NAALADL2: variants seen among roughly 807,000 people sequenced by gnomAD.
The protein encoded by NAALADL2 is inactive N-acetylated-alpha-linked acidic dipeptidase-like protein 2.
Under a neutral mutation model 87.2 loss-of-function variants are expected in NAALADL2, and 76 were observed. The observed-to-expected ratio is 0.87, with a 90% confidence interval of 0.72 to 1.05. The LOEUF is 1.05. Among genes scored for constraint, NAALADL2 ranks in the 50% least tolerant of loss-of-function variants. NAALADL2 has a pLI of 0.00. For synonymous variants in NAALADL2, 354 were observed against 331.0 expected (o/e 1.07, Z -0.75); for missense variants, 1,089 against 945.8 (o/e 1.15, Z -1.99).
At chr3:175,389,734 G>A (rs1190562149) in intron 5 of NAALADL2, among the ~76,000 whole-genome samples, 1 of 152,198 alleles carries the variant, frequency 6.6e-6, no homozygotes, top group African/African-American at 2.4e-5. Flanking sequence ...TGGAAAAGCA[G>A]AGGCTAGAAG....
At chr3:174,717,939 A>G (rs765328679) in intron 2 of NAALADL2, among the ~76,000 whole-genome samples, 5 of 152,110 alleles carry the variant, frequency 3.3e-5, no homozygotes, top group Non-Finnish European at 7.3e-5. Context: ...TAGCCTGACC[A>G]ACATGGTGAA....
At chr3:175,742,999 CT>C (rs113136524) in intron 12 of NAALADL2, among the ~76,000 whole-genome samples, 16,648 of 143,782 alleles carry the variant, frequency 0.12, 1,048 homozygotes, top group African/African-American at 0.19. Flanking sequence ...AATTCCAAAT[CT>C]TTTTTTTTTT....
rs368625385 is a variant in NAALADL2 at position 175,027,497 on chromosome 3, A to G, written c.44-69293A>G. Among the ~76,000 whole-genome samples the G allele has an allele frequency of 1.7e-3, 257 of 152,276 alleles. 1 individual carries two copies. The highest frequency in any genetic ancestry group is 6.0e-3 in the African/African-American group (250 of 41,580). ...TATGTAATACAATAAGTTCAATTAAAAAGACCTATGTGACCAGATTATTTA... is the reference window on the plus strand; with the variant it reads ...TATGTAATACAATAAGTTCAATTAAGAAGACCTATGTGACCAGATTATTTA... On this transcript the variant is annotated intron_variant, in intron 1 of 13. Transcript: ENST00000454872.
intron 6 of NAALADL2, among the ~76,000 whole-genome samples, chr3:175,453,340 A>G (rs1395395257): frequency 2.0e-5 from 3 of 152,102 alleles, no homozygotes; most frequent in African/African-American, 7.2e-5. Flanking sequence ...TTGTGTTTCT[A>G]TATTCTGCTA....
chr3:174,461,168 G>A (rs1716192928), intron 1 of NAALADL2, among the ~76,000 whole-genome samples: 1 of 152,024 alleles, frequency 6.6e-6, no homozygotes. Context: ...CTCATTCAGT[G>A]TACAGTTTAA....
At chr3:175,768,469 G>A (rs977053523) in intron 13 of NAALADL2, among the ~76,000 whole-genome samples, 2 of 152,196 alleles carry the variant, frequency 1.3e-5, no homozygotes, top group African/African-American at 4.8e-5. Context: ...AAAGTTACCA[G>A]AGATGGTAAA....
intron 1 of NAALADL2, among the ~76,000 whole-genome samples, chr3:174,524,863 A>C (rs1027708721): frequency 1.3e-5 from 2 of 152,128 alleles, no homozygotes; most frequent in African/African-American, 4.8e-5. Flanking sequence ...TAGAACTAAA[A>C]AGTTCCTATT....
chr3:175,387,075 T>G (rs1581684038), intron 5 of NAALADL2, among the ~76,000 whole-genome samples: 1 of 152,252 alleles, frequency 6.6e-6, no homozygotes, highest in Non-Finnish European at 1.5e-5. Context: ...GGAAAATTTT[T>G]TTTTACTACT....
Position 174,491,969 on chromosome 3 carries a change from T to C in NAALADL2, c.-184+50937T>C, listed in dbSNP as rs539410261. Among the ~76,000 whole-genome samples, 4 of 152,276 alleles carry C rather than the reference T, an allele frequency of 2.6e-5. No individual in the cohort carries two copies. The East Asian group carries it at 5.8e-4, about 22-fold the overall frequency. On this transcript the variant is annotated intron_variant, in intron 1 of 3. Transcript: ENST00000434257. ...AAAAATAGATACAGTGATGTGTGACTTTAAAATTGATTAGTTCAGGCCAGG... is the reference window on the plus strand; with the variant it reads ...AAAAATAGATACAGTGATGTGTGACCTTAAAATTGATTAGTTCAGGCCAGG...
At chr3:175,579,142 G>A (rs1283008092) in intron 10 of NAALADL2, among the ~76,000 whole-genome samples, 1 of 152,062 alleles carries the variant, frequency 6.6e-6, no homozygotes, top group Non-Finnish European at 1.5e-5. Context: ...TGGTTTTGAA[G>A]AAATCATCTA....
chr3:175,029,795 A>G (rs948534444), intron 1 of NAALADL2, among the ~76,000 whole-genome samples: 2 of 152,026 alleles, frequency 1.3e-5, no homozygotes, highest in Non-Finnish European at 2.9e-5. Context: ...CTCCAGGAAA[A>G]TGTATGTTTT....
chr3:175,139,480 G>A (rs865786142), intron 2 of NAALADL2, among the ~76,000 whole-genome samples: 67 of 152,140 alleles, frequency 4.4e-4, no homozygotes, highest in African/African-American at 1.6e-3. Context: ...AAGCCTGGTA[G>A]AGTTAATTTA....
At chr3:174,947,180 A>G (rs1739562179) in intron 1 of NAALADL2, among the ~76,000 whole-genome samples, 1 of 152,132 alleles carries the variant, frequency 6.6e-6, no homozygotes, top group Non-Finnish European at 1.5e-5. Context: ...TGATTTTTCT[A>G]TATTATAGTT....
intron 1 of NAALADL2, among the ~76,000 whole-genome samples, chr3:175,016,777 CTTTTT>C (rs889707240): frequency 3.3e-5 from 5 of 151,694 alleles, no homozygotes; most frequent in Non-Finnish European, 5.9e-5. Context: ...ATTTTCTTTT[CTTTTT>C]ATCTTTTATT....
chr3:174,778,799 G>C (rs1197533117), intron 3 of NAALADL2, among the ~76,000 whole-genome samples: 3 of 152,084 alleles, frequency 2.0e-5, no homozygotes, highest in African/African-American at 7.2e-5. Context: ...CCCTGCAAAG[G>C]ACATGAACTG....
chr3:174,692,776 T>C (rs140396590), intron 2 of NAALADL2, among the ~76,000 whole-genome samples: 14 of 152,152 alleles, frequency 9.2e-5, no homozygotes, highest in Non-Finnish European at 1.8e-4. Flanking sequence ...GTTGTTTATA[T>C]TTCATATGCT....
rs147378507 is a variant in NAALADL2, at chr3:174,619,442, C to T, written c.-115+68805C>T. On this transcript the variant is annotated intron_variant, in intron 2 of 3. Coordinates refer to the NAALADL2 transcript ENST00000434257. Reference sequence around the variant, plus strand: ...GCCAACAATCTCCCTAGAGTGTGTGCTTTAGTAATAAGCCCTGAAAATGGG... The same window carrying T: ...GCCAACAATCTCCCTAGAGTGTGTGTTTTAGTAATAAGCCCTGAAAATGGG... Among the ~76,000 whole-genome samples, 375 of 151,950 alleles carry T rather than the reference C, an allele frequency of 2.5e-3. 2 individuals carry two copies. The highest frequency in any genetic ancestry group is 8.6e-3 in the African/African-American group (358 of 41,504).
chr3:175,031,966 G>GT (rs1210134400), intron 1 of NAALADL2, among the ~76,000 whole-genome samples: 1 of 151,714 alleles, frequency 6.6e-6, no homozygotes, highest in Non-Finnish European at 1.5e-5. Flanking sequence ...GGGGTTATTT[G>GT]TTTTTTCTTA....
At chr3:174,921,766 T>C (rs9819911) in intron 1 of NAALADL2, among the ~76,000 whole-genome samples, 53,170 of 145,314 alleles carry the variant, frequency 0.37, 10,467 homozygotes, top group African/African-American at 0.52. Context: ...GATTGTGCCG[T>C]TGCACTCTGG....
Sources: gnomAD v4.1 joint callset for allele counts (sites outside exome capture counted in the v4.1 genomes callset) on GRCh38, gnomAD v4.1.1 for gene constraint, MANE v1.5 for transcripts, NCBI Gene and HGNC (gene_info 2026-07-23, HGNC 2026-07-21) for gene names.